The following FLT3LG variants were observed in gnomAD, a reference collection of about 807,000 sequenced individuals.
FLT3LG encodes fms related receptor tyrosine kinase 3 ligand.
In FLT3LG, 8 loss-of-function variants were observed where a neutral mutation model predicts 30.9. That is an observed-to-expected ratio of 0.26 (90% confidence interval 0.15 to 0.47). The LOEUF is 0.47. Ranked by LOEUF, FLT3LG falls within the 20% of genes least tolerant of loss-of-function variation. The pLI, the probability that FLT3LG is intolerant of heterozygous loss-of-function variation, is 0.99. For synonymous variants in FLT3LG, 123 were observed against 135.9 expected (o/e 0.91, Z 0.66); for missense variants, 278 against 306.2 (o/e 0.91, Z 0.69).
Position 49,480,342 on chromosome 19 carries a change from G to C in FLT3LG, c.526G>C (p.Ala176Pro). The C allele has an allele frequency of 6.2e-7, 1 of 1,610,080 alleles. No individual in the cohort carries two copies. Among genetic ancestry groups the C allele is most frequent in the Non-Finnish European group, 8.5e-7 (1 of 1,178,312 alleles). Reference protein sequence around the residue: ...PPPWSPRPLEATAPTAPQPPL... With the variant: ...PPPWSPRPLEPTAPTAPQPPL... The stretch of plus-strand genomic sequence containing the variant: ...CCCATGGAGTCCCCGGCCCCTGGAG[G>C]CCACAGCCCCGACAGCCCCGCAGCC... The change falls in exon 7 of 9, where the codon GCC (alanine) becomes CCC (proline). Residue 176 changes from alanine (A) to proline (P), a missense_variant. This residue lies in a region of FLT3LG where 170 missense variants were observed against 162.0 expected (regional missense o/e 1.05). Transcript: ENST00000597551.
At chr19:49,484,398 G>T (rs1433992138) in intron 8 of FLT3LG, among the ~76,000 whole-genome samples, 1 of 149,768 alleles carries the variant, frequency 6.7e-6, no homozygotes, top group Non-Finnish European at 1.5e-5. Context: ...AGGTTCAAGC[G>T]ATTCTCCTGC....
intron 6 of FLT3LG, among the ~76,000 whole-genome samples, chr19:49,479,396 G>T (rs779316799): frequency 6.6e-6 from 1 of 150,706 alleles, no homozygotes; most frequent in Non-Finnish European, 1.5e-5. Flanking sequence ...GGGTTTTACC[G>T]AGTTAAACCA....
At chr19:49,475,873 G>T (rs777769325) in intron 3 of FLT3LG, 72 bp downstream of exon 3, 2 of 1,354,804 alleles carry the variant, frequency 1.5e-6, no homozygotes, top group Non-Finnish European at 2.1e-6. Flanking sequence ...GTAGAGATGG[G>T]GTCTCTCTCC....
intron 8 of FLT3LG, among the ~76,000 whole-genome samples, chr19:49,482,989 G>A (rs2079666632): frequency 6.6e-6 from 1 of 152,058 alleles, no homozygotes; most frequent in Admixed American, 6.6e-5. Flanking sequence ...TATCCAAAAT[G>A]TTGTTATTTC....
At chr19:49,482,848 C>G (rs1175281986) in intron 8 of FLT3LG, among the ~76,000 whole-genome samples, 1 of 151,814 alleles carries the variant, frequency 6.6e-6, no homozygotes, top group Non-Finnish European at 1.5e-5. Context: ...AGGCTGGTCT[C>G]GAACTCCTGA....
chr19:49,480,512 G>C (rs1161639949), intron 7 of FLT3LG, 36 bp downstream of exon 7: 1 of 1,607,012 alleles, frequency 6.2e-7, no homozygotes, highest in Non-Finnish European at 8.5e-7. Flanking sequence ...AGGGGGCCGA[G>C]AGGGTGGCCC....
intron 6 of FLT3LG, chr19:49,479,667 A>AT (rs1158566863): frequency 6.0e-5 from 12 of 198,902 alleles, no homozygotes; most frequent in South Asian, 2.0e-4. Flanking sequence ...TCACGCGGCT[A>AT]ATTTTTTTTT....
intron 5 of FLT3LG, among the ~76,000 whole-genome samples, chr19:49,477,720 C>T (rs977005585): frequency 6.6e-6 from 1 of 151,354 alleles, no homozygotes; most frequent in Non-Finnish European, 1.5e-5. Context: ...CCAGCCTGGG[C>T]GACAGAGCAA....
intron 8 of FLT3LG, chr19:49,482,201 C>G (rs890150005): frequency 6.6e-6 from 1 of 151,724 alleles, no homozygotes; most frequent in Non-Finnish European, 1.5e-5. Flanking sequence ...TCTCGGCTCA[C>G]TGCAGCCCCC....
At position 49,476,801 on chromosome 19, in the gene FLT3LG, G is replaced by A. The variant is rs1231619161; in HGVS notation, c.342+235G>A. 5 of 479,570 alleles carry A rather than the reference G, an allele frequency of 1.0e-5. No individual in the cohort carries two copies. In the East Asian group the frequency reaches 2.0e-4, roughly 20 times the overall value. The allele number at this position is 479,570 out of a possible 1,614,324, so 29.7% of individuals were successfully genotyped here. A position where few individuals can be genotyped will look rare whatever the true frequency, so the allele number is the denominator to read the frequency against. ...CCCGGTTTCCTAGGCCATGATGAAGGGTGCCACTGAGGGGTTCTTCCCCCA... is the reference window on the plus strand; with the variant it reads ...CCCGGTTTCCTAGGCCATGATGAAGAGTGCCACTGAGGGGTTCTTCCCCCA... On this transcript the variant is annotated intron_variant, in intron 5 of 8. Transcript: ENST00000597551. The surrounding 1 kb of genome is among the most constrained non-coding windows in gnomAD (Gnocchi z 5.3).
At chr19:49,484,648 C>T (rs1171061262) in intron 8 of FLT3LG, among the ~76,000 whole-genome samples, 1 of 151,826 alleles carries the variant, frequency 6.6e-6, no homozygotes, top group Non-Finnish European at 1.5e-5. Context: ...AGGCACACAC[C>T]ACCACACCTG....
chr19:49,480,736 A>G, intron 8 of FLT3LG, 116 bp downstream of exon 8: 1 of 1,140,054 alleles, frequency 8.8e-7, no homozygotes, highest in Non-Finnish European at 1.2e-6. Context: ...CTAGGTGCAG[A>G]AAGACCCCTC....
intron 6 of FLT3LG, 111 bp downstream of exon 6, chr19:49,479,158 G>C (rs1601098185): frequency 2.0e-6 from 2 of 1,015,980 alleles, no homozygotes; most frequent in East Asian, 6.4e-5. Flanking sequence ...TGTGACAAGG[G>C]CAAGCTTATT....
chr19:49,477,385 G>A (rs1485257325), intron 5 of FLT3LG, among the ~76,000 whole-genome samples: 2 of 150,954 alleles, frequency 1.3e-5, no homozygotes, highest in African/African-American at 2.4e-5. Context: ...TCGAGGCTGC[G>A]ATGAGCTATG....
At chr19:49,483,866 CAAAAAAAAAAA>C (rs34619675) in intron 8 of FLT3LG, among the ~76,000 whole-genome samples, 2,948 of 50,200 alleles carry the variant, frequency 0.059, 141 homozygotes, top group African/African-American at 0.13. Flanking sequence ...GACTCTGTCT[CAAAAAAAAAAA>C]AAAAAAAAAA....
At chr19:49,480,768 A>C in intron 8 of FLT3LG, 148 bp downstream of exon 8, 16 of 782,944 alleles carry the variant, frequency 2.0e-5, no homozygotes, top group Non-Finnish European at 3.0e-5. Context: ...GCGGTGGCTC[A>C]CGCCTGTAAT....
In FLT3LG at chr19:49,476,066, T is replaced by A; in HGVS notation, c.145-79T>A. The stretch of plus-strand genomic sequence containing the variant: ...TTGGTCTTGTCCCTCTCTCTCTGGA[T>A]CTCTGCTGCCACCTCTGGGTCCCCA... On this transcript the variant is annotated intron_variant, in intron 3 of 8. Transcript: ENST00000597551. This position sits in a 1 kb window ranked among gnomAD's most constrained non-coding sequence, Gnocchi z 5.3. 1 of 1,499,710 alleles carries A rather than the reference T, an allele frequency of 6.7e-7. No individual in the cohort carries two copies. Among genetic ancestry groups the A allele is most frequent in the Non-Finnish European group, 9.3e-7 (1 of 1,076,966 alleles). 92.9% of individuals were successfully genotyped at this position (1,499,710 alleles called of 1,614,324 possible). A position where few individuals can be genotyped will look rare whatever the true frequency, so the allele number is the denominator to read the frequency against.
intron 8 of FLT3LG, 131 bp downstream of exon 8, chr19:49,480,751 GC>G: frequency 1.0e-6 from 1 of 959,022 alleles, no homozygotes; most frequent in Non-Finnish European, 1.5e-6. Flanking sequence ...CCCCTCTGGG[GC>G]CAGGCGCGGT....
chr19:49,485,945 T>G (rs1251766757), intron 8 of FLT3LG, 70 bp from the exon 9 acceptor site: 5 of 152,264 alleles, frequency 3.3e-5, no homozygotes, highest in South Asian at 2.1e-4. Context: ...GCTAAGCTAC[T>G]TTCCCTCTCC....
Sources: gnomAD v4.1 joint callset for allele counts (sites outside exome capture counted in the v4.1 genomes callset) on GRCh38, gnomAD v4.1.1 for gene constraint, gnomAD v4.1.1 regional missense constraint, Gnocchi (gnomAD v3.1) non-coding constraint, MANE v1.5 for transcripts, NCBI Gene and HGNC (gene_info 2026-07-23, HGNC 2026-07-21) for gene names.